Variants in PRKAA2 observed in about 807,000 individuals in gnomAD.
The protein encoded by PRKAA2 is 5'-AMP-activated protein kinase catalytic subunit alpha-2.
PRKAA2 carries 40 observed loss-of-function variants against 56.3 expected under a neutral mutation model. That is an observed-to-expected ratio of 0.71 (90% CI 0.55 to 0.92). PRKAA2 has a LOEUF of 0.92. Ranked by LOEUF, PRKAA2 falls within the 40% of genes least tolerant of loss-of-function variation. The pLI, the probability that PRKAA2 is intolerant of heterozygous loss-of-function variation, is 0.00. For missense variants in PRKAA2, 542 were observed against 686.9 expected (o/e 0.79, Z 2.36); for synonymous variants, 214 against 234.2 (o/e 0.91, Z 0.79).
Position 56,714,561 on chromosome 1 carries a change from G to C in PRKAA2, c.*6848G>C, listed in dbSNP as rs919105103. Reference sequence around the variant, plus strand: ...AGTATTCAAATATCAAACTTGTCCTGTGTTGTAACAAATATTCAGAATCTC... The same window carrying C: ...AGTATTCAAATATCAAACTTGTCCTCTGTTGTAACAAATATTCAGAATCTC... On this transcript the variant is annotated 3_prime_UTR_variant, in exon 9 of 9. Transcript: ENST00000371244. 1 of 152,102 alleles carries C rather than the reference G, an allele frequency of 6.6e-6. No individual in the cohort carries two copies. Among genetic ancestry groups the C allele is most frequent in the East Asian group, 1.9e-4 (1 of 5,184 alleles). 9.4% of individuals were successfully genotyped at this position (152,102 alleles called of 1,614,324 possible).
intron 2 of PRKAA2, among the ~76,000 whole-genome samples, chr1:56,676,364 T>A (rs1644113074): frequency 6.6e-6 from 1 of 152,000 alleles, no homozygotes; most frequent in Non-Finnish European, 1.5e-5. Context: ...AACATCAGAA[T>A]GATAAAATGG....
At chr1:56,675,199 G>T (rs932196290) in intron 2 of PRKAA2, among the ~76,000 whole-genome samples, 5 of 152,046 alleles carry the variant, frequency 3.3e-5, no homozygotes, top group African/African-American at 4.8e-5. Context: ...GTCATTTAAA[G>T]TTGCAGTTTA....
intron 2 of PRKAA2, among the ~76,000 whole-genome samples, chr1:56,682,059 GA>G (rs1644159104): frequency 6.6e-6 from 1 of 152,072 alleles, no homozygotes; most frequent in East Asian, 1.9e-4. Flanking sequence ...TCTCCTTGAA[GA>G]GGTCCTTCAC....
At chr1:56,683,980 C>G (rs2100415983) in intron 2 of PRKAA2, among the ~76,000 whole-genome samples, 1 of 152,202 alleles carries the variant, frequency 6.6e-6, no homozygotes, top group South Asian at 2.1e-4. Flanking sequence ...GCAGGGAAAC[C>G]AATTGGGAGT....
rs568133428 is a variant in PRKAA2, at chr1:56,673,715, T to C, written c.95-666T>C. 5.3e-5 allele frequency among the ~76,000 whole-genome samples: 8 copies of C among 152,364 alleles called. No individual in the cohort carries two copies. The South Asian group carries it at 1.7e-3, about 32-fold the overall frequency. On this transcript the variant is annotated intron_variant, in intron 1 of 8. Transcript: ENST00000371244. ...TGTGCGCATATACTTCCTGAGAGAT[T>C]CAGATGAGCACTGGTCATCTTGTCC... is the stretch of plus-strand genomic sequence containing the variant.
chr1:56,690,164 C>CTT (rs35151388), intron 2 of PRKAA2, among the ~76,000 whole-genome samples: 21 of 141,250 alleles, frequency 1.5e-4, no homozygotes, highest in African/African-American at 2.8e-4. Context: ...ATCATCACAT[C>CTT]TTTTTTTTTT....
chr1:56,701,195 TA>T (rs1333578003), intron 6 of PRKAA2, among the ~76,000 whole-genome samples: 2 of 152,208 alleles, frequency 1.3e-5, no homozygotes, highest in African/African-American at 4.8e-5. Flanking sequence ...CATTGATATT[TA>T]AAAAATATTA....
chr1:56,655,337 A>G (rs2100382907), intron 1 of PRKAA2, among the ~76,000 whole-genome samples: 1 of 135,314 alleles, frequency 7.4e-6, no homozygotes, highest in African/African-American at 2.8e-5. Context: ...GTAGTCTCAA[A>G]CTCCTGGGCT....
In PRKAA2 at chr1:56,711,860, T is replaced by G. The variant is rs1041384122; in HGVS notation, c.*4147T>G. ...GTGTTCACTTTTTATATATTTAGAG[T>G]TTTTATATGAGTGTGAATGTTTCTG... On this transcript the variant is annotated 3_prime_UTR_variant, in exon 9 of 9. Coordinates refer to ENST00000371244, the MANE Select transcript of PRKAA2 (RefSeq NM_006252.4). 1.3e-5 allele frequency: 2 copies of G among 152,094 alleles called. No individual in the cohort carries two copies. Among genetic ancestry groups the G allele is most frequent in the Admixed American group, 1.3e-4 (2 of 15,258 alleles). 9.4% of individuals were successfully genotyped at this position (152,094 alleles called of 1,614,324 possible). A position where few individuals can be genotyped will look rare whatever the true frequency, so the allele number is the denominator to read the frequency against.
At chr1:56,657,780 T>G (rs1288403384) in intron 1 of PRKAA2, among the ~76,000 whole-genome samples, 1 of 152,126 alleles carries the variant, frequency 6.6e-6, no homozygotes, top group Admixed American at 6.6e-5. Context: ...AAAATGCATT[T>G]TTATGCAAAC....
chr1:56,645,641 C>T (rs560040775), intron 1 of PRKAA2, among the ~76,000 whole-genome samples, 160 bp downstream of exon 1: 230 of 151,788 alleles, frequency 1.5e-3, no homozygotes, highest in Non-Finnish European at 2.1e-3. Flanking sequence ...TGGCGCGCAC[C>T]GCCTCGCCTG....
At chr1:56,701,170 A>C (rs1644291373) in intron 6 of PRKAA2, among the ~76,000 whole-genome samples, 1 of 152,160 alleles carries the variant, frequency 6.6e-6, no homozygotes, top group Admixed American at 6.5e-5. Context: ...GAAAGTGCTT[A>C]ACTTTTCTAT....
intron 1 of PRKAA2, among the ~76,000 whole-genome samples, chr1:56,670,389 T>C (rs571819581): frequency 2.0e-5 from 3 of 152,334 alleles, no homozygotes; most frequent in Admixed American, 2.0e-4. Context: ...TTCCTGTTGC[T>C]CTCCCCTTCT....
intron 6 of PRKAA2, among the ~76,000 whole-genome samples, chr1:56,703,509 A>C (rs1569794844): frequency 6.6e-6 from 1 of 152,138 alleles, no homozygotes; most frequent in Non-Finnish European, 1.5e-5. Context: ...CTGTTGCATT[A>C]TTTTGTATTA....
rs186721373 is a variant in PRKAA2, at chr1:56,668,685, A to C, written c.95-5696A>C. On this transcript the variant is annotated intron_variant, in intron 1 of 8. Coordinates refer to ENST00000371244, the MANE Select transcript of PRKAA2 (RefSeq NM_006252.4). ...TATCCTAAACTATATAATATATTAA[A>C]ATAGAATGAGGATGTATCTGATATG... 2.0e-5 allele frequency among the ~76,000 whole-genome samples: 3 copies of C among 152,270 alleles called. No individual in the cohort carries two copies. The East Asian group carries it at 5.8e-4, about 29-fold the overall frequency.
At chr1:56,699,708 A>G (rs147374631) in intron 6 of PRKAA2, among the ~76,000 whole-genome samples, 83 of 152,292 alleles carry the variant, frequency 5.5e-4, no homozygotes, top group Middle Eastern at 3.4e-3. Flanking sequence ...TAATTCCAGA[A>G]CTATTTTATC....
intron 2 of PRKAA2, among the ~76,000 whole-genome samples, chr1:56,688,871 C>T (rs564695145): frequency 1.3e-5 from 2 of 152,070 alleles, no homozygotes; most frequent in South Asian, 2.1e-4. Flanking sequence ...TTGATCTCAC[C>T]GAGTACAATA....
chr1:56,673,861 G>C (rs1157291499), intron 1 of PRKAA2, among the ~76,000 whole-genome samples: 1 of 152,142 alleles, frequency 6.6e-6, no homozygotes, highest in Non-Finnish European at 1.5e-5. Flanking sequence ...GTTTGAAAGA[G>C]ATAGAGATTC....
intron 1 of PRKAA2, among the ~76,000 whole-genome samples, chr1:56,648,610 A>G (rs776428851): frequency 2.0e-5 from 3 of 152,192 alleles, no homozygotes; most frequent in Non-Finnish European, 2.9e-5. Flanking sequence ...TTTATGTTTT[A>G]CTTTTTGAGA....
Sources: allele counts gnomAD v4.1 joint callset (sites outside exome capture counted in the v4.1 genomes callset), GRCh38; gene constraint gnomAD v4.1.1; transcripts MANE v1.5; gene names NCBI Gene and HGNC (gene_info 2026-07-23, HGNC 2026-07-21).